NDST4: variants seen among roughly 807,000 people sequenced by gnomAD.
NDST4 encodes the protein N-deacetylase and N-sulfotransferase 4.
Under a neutral mutation model 100.8 loss-of-function variants are expected in NDST4, and 63 were observed. That is an observed-to-expected ratio of 0.62 (90% CI 0.51 to 0.77). The LOEUF (loss-of-function observed/expected upper bound fraction) is 0.77, where lower values mean the gene tolerates loss of function less well. NDST4 is among the 30% of genes least tolerant of loss of function. The pLI is 0.00. For missense variants in NDST4, 943 were observed against 1,018.4 expected, an observed-to-expected ratio of 0.93 and a Z score of 1.01; for synonymous variants, 377 against 361.8, an observed-to-expected ratio of 1.04 and a Z score of -0.48.
intron 12 of NDST4, 73 bp from the exon 13 acceptor site, chr4:114,829,965 A>G: frequency 9.8e-7 from 1 of 1,024,876 alleles, no homozygotes; most frequent in Non-Finnish European, 1.5e-6. Flanking sequence ...CCAATTGAAT[A>G]AAGGAAATGT....
chr4:115,028,154 T>C (rs1375708053), intron 2 of NDST4, among the ~76,000 whole-genome samples: 1 of 152,154 alleles, frequency 6.6e-6, no homozygotes, highest in African/African-American at 2.4e-5. Flanking sequence ...ATGGTATACA[T>C]TCAAGGAGGT....
chr4:114,988,153 A>C (rs2126250291), intron 2 of NDST4, among the ~76,000 whole-genome samples: 1 of 152,050 alleles, frequency 6.6e-6, no homozygotes, highest in South Asian at 2.1e-4. Context: ...AATTTTGATA[A>C]ATATTATAGT....
At chr4:115,112,149 T>C (rs767560128) in intron 1 of NDST4, among the ~76,000 whole-genome samples, 1 of 149,898 alleles carries the variant, frequency 6.7e-6, no homozygotes, top group East Asian at 2.0e-4. Flanking sequence ...CACTGGGATA[T>C]AGCTAACTGG....
At chr4:114,891,417 ATTTCTT>A (rs1724594227) in intron 6 of NDST4, among the ~76,000 whole-genome samples, 1 of 151,784 alleles carries the variant, frequency 6.6e-6, no homozygotes, top group South Asian at 2.1e-4. Context: ...ATTCTTCTCA[ATTTCTT>A]GGTTTTCTTC....
At chr4:114,982,092 G>C (rs913060502) in intron 2 of NDST4, among the ~76,000 whole-genome samples, 1 of 152,174 alleles carries the variant, frequency 6.6e-6, no homozygotes, top group Non-Finnish European at 1.5e-5. Context: ...TCCAGTCTCA[G>C]GTATGTGTTT....
chr4:115,065,000 C>G (rs535210051), intron 2 of NDST4, among the ~76,000 whole-genome samples: 1 of 152,254 alleles, frequency 6.6e-6, no homozygotes, highest in South Asian at 2.1e-4. Flanking sequence ...ATCCTTCCAG[C>G]ATCTTTACCT....
intron 10 of NDST4, among the ~76,000 whole-genome samples, chr4:114,841,244 T>C (rs937115457): frequency 7.9e-5 from 12 of 152,326 alleles, no homozygotes; most frequent in Non-Finnish European, 1.3e-4. Context: ...AACAGCACTA[T>C]AGCTCCTCTG....
At chr4:115,071,118 T>C (rs1214862985) in intron 2 of NDST4, among the ~76,000 whole-genome samples, 1 of 151,470 alleles carries the variant, frequency 6.6e-6, no homozygotes, top group Non-Finnish European at 1.5e-5. Context: ...CAAAAAATAC[T>C]AATAATGAAA....
At chr4:114,913,731 G>GAA (rs56189208) in intron 6 of NDST4, among the ~76,000 whole-genome samples, 2 of 125,930 alleles carry the variant, frequency 1.6e-5, no homozygotes, top group East Asian at 2.6e-4. Context: ...CTATCTCCAA[G>GAA]AAAAAAAAAA....
rs142948895 is a variant in NDST4 at position 114,890,034 on chromosome 4, A to G, written c.1537-19084T>C. Among the ~76,000 whole-genome samples the G allele has an allele frequency of 1.1e-4, 16 of 152,288 alleles. 1 individual carries two copies. The East Asian group carries it at 2.9e-3, about 28-fold the overall frequency. On this transcript the variant is annotated intron_variant, in intron 6 of 13. Coordinates refer to ENST00000264363, the MANE Select transcript of NDST4 (RefSeq NM_022569.3). ...TATTCTTTGGAAACCCCAATGCTTT[A>G]TATCACTCCAAATTTTTATTTTACC...
At chr4:115,009,648 C>T (rs1311510648) in intron 2 of NDST4, among the ~76,000 whole-genome samples, 5 of 125,120 alleles carry the variant, frequency 4.0e-5, no homozygotes, top group Non-Finnish European at 8.4e-5. Context: ...GTCTAAAACA[C>T]CAAAAGCAAT....
chr4:114,830,351 TA>T (rs1444892190), intron 12 of NDST4, among the ~76,000 whole-genome samples: 4 of 152,236 alleles, frequency 2.6e-5, no homozygotes, highest in African/African-American at 9.6e-5. Context: ...TCTGTGAATA[TA>T]AACATGAATT....
At chr4:115,094,319 T>C (rs1224983303) in intron 1 of NDST4, among the ~76,000 whole-genome samples, 1 of 152,068 alleles carries the variant, frequency 6.6e-6, no homozygotes, top group Non-Finnish European at 1.5e-5. Context: ...GAAGATCTCA[T>C]CAAAACTTCA....
intron 4 of NDST4, among the ~76,000 whole-genome samples, chr4:114,964,143 G>A (rs895710691): frequency 1.3e-5 from 2 of 152,162 alleles, no homozygotes; most frequent in African/African-American, 4.8e-5. Context: ...GTTGTGAGCT[G>A]CCATCCTGAA....
rs184835897 is a variant in NDST4, at chr4:114,971,206, T to C, written c.1067-622A>G. Among the ~76,000 whole-genome samples the C allele has an allele frequency of 3.0e-3, 456 of 152,254 alleles. 3 individuals carry two copies. Among genetic ancestry groups the C allele is most frequent in the African/African-American group, 0.01 (422 of 41,582 alleles). ...TGCTTAAATTTTTCACTTAATGTTA[T>C]ACATATCAAATTTCCCATTTTAATA... On this transcript the variant is annotated intron_variant, in intron 3 of 13. Transcript: ENST00000264363.
At chr4:114,871,010 T>A in intron 6 of NDST4, 60 bp from the exon 7 acceptor site, 2 of 1,341,590 alleles carry the variant, frequency 1.5e-6, no homozygotes, top group Non-Finnish European at 2.0e-6. Context: ...AAAGTAGCAG[T>A]ACAAGCCCCA....
intron 1 of NDST4, among the ~76,000 whole-genome samples, chr4:115,099,483 A>G (rs1382023555): frequency 6.6e-6 from 1 of 152,158 alleles, no homozygotes; most frequent in Non-Finnish European, 1.5e-5. Flanking sequence ...AAACAACCCA[A>G]TTCAAAAATG....
intron 2 of NDST4, among the ~76,000 whole-genome samples, chr4:115,007,036 G>A (rs2583523): frequency 0.15 from 23,013 of 152,146 alleles, 2,145 homozygotes; most frequent in South Asian, 0.34. Context: ...ATTGGTTAAA[G>A]CATTCAGCCT....
At chr4:115,085,899 A>C (rs1357251003) in intron 1 of NDST4, among the ~76,000 whole-genome samples, 1 of 152,216 alleles carries the variant, frequency 6.6e-6, no homozygotes, top group Non-Finnish European at 1.5e-5. Context: ...AAATATTGTC[A>C]TACTTCATGT....
Sources: allele counts gnomAD v4.1 joint callset (sites outside exome capture counted in the v4.1 genomes callset), GRCh38; gene constraint gnomAD v4.1.1; transcripts MANE v1.5; gene names NCBI Gene and HGNC (gene_info 2026-07-23, HGNC 2026-07-21).